The following PAPPA variants were observed in gnomAD, a reference collection of about 807,000 sequenced individuals.
The protein encoded by PAPPA is pappalysin-1.
PAPPA carries 60 observed loss-of-function variants against 164.0 expected under a neutral mutation model. That is an observed-to-expected ratio of 0.37 (90% confidence interval 0.30 to 0.45). PAPPA has a LOEUF of 0.45. PAPPA is among the 20% of genes least tolerant of loss of function. The pLI is 1.00. For missense variants in PAPPA, 1,782 were observed against 2,087.3 expected, an observed-to-expected ratio of 0.85 and a Z score of 2.85; for synonymous variants, 875 against 814.1, an observed-to-expected ratio of 1.07 and a Z score of -1.27.
intron 7 of PAPPA, among the ~76,000 whole-genome samples, chr9:116,248,221 C>T (rs374641617): frequency 1.3e-5 from 2 of 152,138 alleles, no homozygotes; most frequent in Non-Finnish European, 1.5e-5. Context: ...GTACTTTAAC[C>T]TTTGTAACTG....
chr9:116,367,816 C>T, intron 19 of PAPPA, 62 bp downstream of exon 19: 3 of 1,099,114 alleles, frequency 2.7e-6, no homozygotes, highest in Non-Finnish European at 4.1e-6. Context: ...TATTGTTGAG[C>T]ACTTGCTATG....
chr9:116,279,307 G>A (rs1002361186), intron 9 of PAPPA, among the ~76,000 whole-genome samples: 13 of 152,158 alleles, frequency 8.5e-5, no homozygotes, highest in African/African-American at 2.4e-4. Context: ...GAAGGCTGAC[G>A]TGCGGGCAGC....
At chr9:116,230,157 C>T (rs1014883728) in intron 6 of PAPPA, among the ~76,000 whole-genome samples, 3 of 152,156 alleles carry the variant, frequency 2.0e-5, no homozygotes, top group Admixed American at 6.5e-5. Flanking sequence ...AAATTTAGTA[C>T]ATGTGCACCA....
At chr9:116,354,694 C>A (rs1183536182) in intron 17 of PAPPA, among the ~76,000 whole-genome samples, 1 of 152,194 alleles carries the variant, frequency 6.6e-6, no homozygotes, top group African/African-American at 2.4e-5. Flanking sequence ...CCCAATGCCA[C>A]TACCCTCACT....
chr9:116,155,254 G>A (rs1043702682), intron 1 of PAPPA, among the ~76,000 whole-genome samples: 1 of 152,164 alleles, frequency 6.6e-6, no homozygotes, highest in Non-Finnish European at 1.5e-5. Flanking sequence ...ACGCGGCTGC[G>A]AAACGGGGCG....
intron 13 of PAPPA, among the ~76,000 whole-genome samples, chr9:116,338,856 T>G (rs1846097744): frequency 6.6e-6 from 1 of 152,192 alleles, no homozygotes; most frequent in Admixed American, 6.5e-5. Flanking sequence ...CAAGACAACT[T>G]TTTCCTATTT....
chr9:116,380,972 T>C (rs371216203), intron 20 of PAPPA, among the ~76,000 whole-genome samples: 1 of 152,200 alleles, frequency 6.6e-6, no homozygotes, highest in Non-Finnish European at 1.5e-5. Flanking sequence ...TAAACAAATG[T>C]TGTCTCTTTC....
intron 20 of PAPPA, among the ~76,000 whole-genome samples, chr9:116,381,277 C>T (rs1014575171): frequency 6.6e-6 from 1 of 152,178 alleles, no homozygotes; most frequent in Admixed American, 6.5e-5. Flanking sequence ...TGCCAACTGC[C>T]CTTGCCACTA....
In PAPPA at chr9:116,154,712, G is replaced by T; in HGVS notation, c.415+125G>T. 9.0e-7 allele frequency: 1 copy of T among 1,112,908 alleles called. No homozygotes were observed. Among genetic ancestry groups the T allele is most frequent in the Non-Finnish European group, 1.1e-6 (1 of 890,252 alleles). 68.9% of individuals were successfully genotyped at this position (1,112,908 alleles called of 1,614,324 possible). On this transcript the variant is annotated intron_variant, in intron 1 of 21. Coordinates refer to ENST00000328252, the MANE Select transcript of PAPPA (RefSeq NM_002581.5). The surrounding 1 kb of genome is among the most constrained non-coding windows in gnomAD (Gnocchi z 5.2). The stretch of plus-strand genomic sequence containing the variant: ...CGTGTCTGTGCGAGAGCTGCCCCGC[G>T]AGCGGCGCAGAGACATCCGGGCGAG...
intron 9 of PAPPA, among the ~76,000 whole-genome samples, chr9:116,276,862 T>C (rs986610159): frequency 3.3e-5 from 5 of 152,116 alleles, no homozygotes; most frequent in African/African-American, 1.2e-4. Context: ...GTGAGGGACA[T>C]CGAGGAGAGG....
chr9:116,349,109 AC>A (rs1268427343), intron 15 of PAPPA, among the ~76,000 whole-genome samples: 2 of 151,676 alleles, frequency 1.3e-5, no homozygotes, highest in African/African-American at 4.9e-5. Context: ...GTTAAAGTCT[AC>A]CCCTTACCAA....
intron 18 of PAPPA, among the ~76,000 whole-genome samples, chr9:116,363,355 T>A (rs796213905): frequency 3.9e-5 from 6 of 152,278 alleles, no homozygotes; most frequent in African/African-American, 1.4e-4. Context: ...CTGACTTCTT[T>A]CCATGGCATC....
chr9:116,361,206 A>G (rs111537591), intron 17 of PAPPA, among the ~76,000 whole-genome samples: 33 of 152,248 alleles, frequency 2.2e-4, no homozygotes, highest in Non-Finnish European at 4.8e-4. Flanking sequence ...AAGCCATTGC[A>G]TAAATTTTTG....
chr9:116,202,482 G>A (rs561440920), intron 2 of PAPPA, among the ~76,000 whole-genome samples: 40 of 152,244 alleles, frequency 2.6e-4, no homozygotes, highest in Non-Finnish European at 4.3e-4. Flanking sequence ...AAGTCTGGGC[G>A]CCTTGGCAAT....
intron 9 of PAPPA, chr9:116,287,046 C>T (rs1304994659): frequency 6.6e-6 from 1 of 152,322 alleles, no homozygotes; most frequent in East Asian, 1.9e-4. Flanking sequence ...CCCATCTCAT[C>T]AGATTCTCCT....
At chr9:116,217,250 G>A (rs1416404097) in intron 4 of PAPPA, among the ~76,000 whole-genome samples, 1 of 152,186 alleles carries the variant, frequency 6.6e-6, no homozygotes, top group African/African-American at 2.4e-5. Flanking sequence ...CATTCATCTT[G>A]AGAAATGCTT....
intron 18 of PAPPA, among the ~76,000 whole-genome samples, chr9:116,363,671 A>G (rs1416697148): frequency 6.6e-6 from 1 of 152,172 alleles, no homozygotes; most frequent in African/African-American, 2.4e-5. Flanking sequence ...GGCCAATATG[A>G]TTTATAGAGC....
intron 10 of PAPPA, among the ~76,000 whole-genome samples, chr9:116,325,907 C>T (rs906962937): frequency 6.6e-6 from 1 of 152,072 alleles, no homozygotes; most frequent in African/African-American, 2.4e-5. Flanking sequence ...TGTATATTGC[C>T]GTGCAAGATA....
intron 17 of PAPPA, among the ~76,000 whole-genome samples, 199 bp downstream of exon 17, chr9:116,353,992 A>C (rs774578220): frequency 6.6e-6 from 1 of 152,168 alleles, no homozygotes; most frequent in Non-Finnish European, 1.5e-5. Flanking sequence ...TTTATGAAGG[A>C]AATCATACAT....
Sources: allele counts gnomAD v4.1 joint callset (sites outside exome capture counted in the v4.1 genomes callset), GRCh38; gene constraint gnomAD v4.1.1; non-coding constraint Gnocchi (gnomAD v3.1); transcripts MANE v1.5; gene names NCBI Gene and HGNC (gene_info 2026-07-23, HGNC 2026-07-21).